SH3RF2: variants seen among roughly 807,000 people sequenced by gnomAD.
The protein encoded by SH3RF2 is SH3 domain containing ring finger 2.
A neutral mutation model predicts 59.0 loss-of-function variants in SH3RF2; 43 were observed. That is an observed-to-expected ratio of 0.73 (90% confidence interval 0.57 to 0.94). The LOEUF (loss-of-function observed/expected upper bound fraction) is 0.94, where lower values mean the gene tolerates loss of function less well. SH3RF2 is among the 40% of genes least tolerant of loss of function. SH3RF2 has a pLI of 0.00. For missense variants in SH3RF2, 930 were observed against 940.1 expected, an observed-to-expected ratio of 0.99 and a Z score of 0.14; for synonymous variants, 391 against 391.5, an observed-to-expected ratio of 1.00 and a Z score of 0.01.
At chr5:145,943,922 T>G (rs968732236) in intron 2 of SH3RF2, among the ~76,000 whole-genome samples, 5 of 152,162 alleles carry the variant, frequency 3.3e-5, no homozygotes, top group African/African-American at 1.2e-4. Flanking sequence ...TCATTTCCCC[T>G]TAGGAAAAGT....
At chr5:146,003,434 A>C (rs1429940425) in intron 3 of SH3RF2, among the ~76,000 whole-genome samples, 1 of 152,236 alleles carries the variant, frequency 6.6e-6, no homozygotes, top group East Asian at 1.9e-4. Flanking sequence ...GTTTTTTAAA[A>C]ATATGTATGT....
chr5:145,958,422 T>C (rs547750861), intron 2 of SH3RF2, among the ~76,000 whole-genome samples: 1 of 152,296 alleles, frequency 6.6e-6, no homozygotes, highest in East Asian at 1.9e-4. Context: ...GTGACAGGTT[T>C]TCATCCCAGG....
At chr5:145,963,829 G>C (rs1173226052) in intron 2 of SH3RF2, among the ~76,000 whole-genome samples, 2 of 135,706 alleles carry the variant, frequency 1.5e-5, no homozygotes, top group African/African-American at 5.4e-5. Flanking sequence ...TTTCTTTTTT[G>C]TTTTTTTTTT....
At chr5:146,061,057 T>C (rs1762870732) in intron 9 of SH3RF2, among the ~76,000 whole-genome samples, 1 of 152,116 alleles carries the variant, frequency 6.6e-6, no homozygotes, top group African/African-American at 2.4e-5. Flanking sequence ...CATCGTCCAT[T>C]CCCCTCAGAA....
chr5:146,039,072 T>C (rs1179891339), intron 5 of SH3RF2, among the ~76,000 whole-genome samples: 3 of 152,188 alleles, frequency 2.0e-5, no homozygotes, highest in African/African-American at 4.8e-5. Context: ...AAGGATGAAC[T>C]ATGGTGCTGG....
intron 4 of SH3RF2, among the ~76,000 whole-genome samples, chr5:146,008,494 T>A (rs1020519382): frequency 4.6e-5 from 7 of 152,182 alleles, no homozygotes; most frequent in Non-Finnish European, 1.0e-4. Context: ...GGGGCAGGTG[T>A]CCTGGGGCCT....
At chr5:145,971,356 C>T (rs1759072907) in intron 2 of SH3RF2, among the ~76,000 whole-genome samples, 2 of 152,196 alleles carry the variant, frequency 1.3e-5, no homozygotes, top group Non-Finnish European at 2.9e-5. Context: ...GATGCCTGTT[C>T]TGGTTACTGG....
intron 5 of SH3RF2, among the ~76,000 whole-genome samples, 186 bp downstream of exon 5, chr5:146,014,247 G>C (rs1251567471): frequency 6.6e-6 from 1 of 152,176 alleles, no homozygotes; most frequent in Non-Finnish European, 1.5e-5. Context: ...CAGCCTGTGA[G>C]TTAGGTGTTA....
chr5:146,070,516 G>A (rs1263457993), intron 9 of SH3RF2, among the ~76,000 whole-genome samples: 2 of 152,204 alleles, frequency 1.3e-5, no homozygotes, highest in African/African-American at 4.8e-5. Flanking sequence ...AGCTTACAAT[G>A]TGGTTCTGGA....
chr5:146,009,461 T>C, intron 4 of SH3RF2, among the ~76,000 whole-genome samples: 1 of 152,186 alleles, frequency 6.6e-6, no homozygotes, highest in Admixed American at 6.5e-5. Context: ...TCAGAGTAGC[T>C]TATGGTGCCT....
At chr5:145,983,348 A>G (rs1044871324) in intron 2 of SH3RF2, among the ~76,000 whole-genome samples, 4 of 151,724 alleles carry the variant, frequency 2.6e-5, no homozygotes, top group Non-Finnish European at 5.9e-5. Flanking sequence ...GAAGAGTAGA[A>G]CCCCCCAGGC....
intron 5 of SH3RF2, among the ~76,000 whole-genome samples, chr5:146,025,914 G>A (rs1224492233): frequency 6.6e-6 from 1 of 152,190 alleles, no homozygotes; most frequent in African/African-American, 2.4e-5. Context: ...CTTCCATGCA[G>A]GGTCTTGGCA....
intron 2 of SH3RF2, among the ~76,000 whole-genome samples, chr5:145,968,261 TA>T: frequency 6.6e-6 from 1 of 152,348 alleles, no homozygotes; most frequent in Non-Finnish European, 1.5e-5. Flanking sequence ...AACATTGCAG[TA>T]TTGTTTATAG....
chr5:145,968,454 A>G (rs1758949169), intron 2 of SH3RF2, among the ~76,000 whole-genome samples: 1 of 152,194 alleles, frequency 6.6e-6, no homozygotes, highest in Non-Finnish European at 1.5e-5. Context: ...ACCTATCTAC[A>G]TATTTTTGTT....
intron 2 of SH3RF2, among the ~76,000 whole-genome samples, chr5:145,960,285 A>G (rs1041777654): frequency 1.3e-5 from 2 of 152,214 alleles, no homozygotes; most frequent in Non-Finnish European, 2.9e-5. Flanking sequence ...TGAATTCCCA[A>G]ACATGGAAAA....
chr5:146,022,741 C>T lies in SH3RF2; in HGVS notation c.1059+8680C>T, dbSNP rs528037424. 5.3e-5 allele frequency among the ~76,000 whole-genome samples: 8 copies of T among 151,972 alleles called. No individual in the cohort carries two copies. In the South Asian group the frequency reaches 6.2e-4, roughly 12 times the overall value. ...TACAAAAATTAGCCAGGTGTGGTGGCGCATGCCTGTAGTCCCAGCTACTTG... is the reference window on the plus strand; with the variant it reads ...TACAAAAATTAGCCAGGTGTGGTGGTGCATGCCTGTAGTCCCAGCTACTTG... On this transcript the variant is annotated intron_variant, in intron 5 of 9. Transcript: ENST00000359120.
intron 2 of SH3RF2, among the ~76,000 whole-genome samples, chr5:145,940,722 T>C (rs1252906187): frequency 6.6e-6 from 1 of 152,236 alleles, no homozygotes; most frequent in Non-Finnish European, 1.5e-5. Context: ...AGACATGCTG[T>C]ATGACTTTGG....
intron 5 of SH3RF2, among the ~76,000 whole-genome samples, chr5:146,047,138 TAA>T (rs1388695991): frequency 7.3e-6 from 1 of 137,132 alleles, no homozygotes; most frequent in East Asian, 2.1e-4. Flanking sequence ...TCAACTACTA[TAA>T]GTCATTGGAT....
intron 9 of SH3RF2, 82 bp downstream of exon 9, chr5:146,060,306 G>C: frequency 7.3e-7 from 1 of 1,364,334 alleles, no homozygotes; most frequent in Non-Finnish European, 9.8e-7. Flanking sequence ...TTTTAGTGTT[G>C]GTGAACAAGG....
Sources: gnomAD v4.1 joint callset for allele counts (sites outside exome capture counted in the v4.1 genomes callset) on GRCh38, gnomAD v4.1.1 for gene constraint, MANE v1.5 for transcripts, NCBI Gene and HGNC (gene_info 2026-07-23, HGNC 2026-07-21) for gene names.